The following HEPH variants were observed in gnomAD, a reference collection of about 807,000 sequenced individuals.
HEPH encodes the protein hephaestin.
A neutral mutation model predicts 80.8 loss-of-function variants in HEPH; 69 were observed. The observed-to-expected ratio is 0.85, with a 90% CI of 0.70 to 1.04. The LOEUF is 1.04. Among genes scored for constraint, HEPH ranks in the 50% least tolerant of loss-of-function variants. The pLI is 0.00. For missense variants in HEPH, 1,115 were observed against 891.3 expected (o/e 1.25, Z -3.20); for synonymous variants, 431 against 322.8 (o/e 1.34, Z -3.60).
At position 66,259,084 on chromosome X, in the gene HEPH, G is replaced by T. The variant is rs1602563492; in HGVS notation, c.3036+105G>T. On this transcript the variant is annotated intron_variant, in intron 18 of 20. Transcript: ENST00000343002. Reference sequence around the variant, plus strand: ...GTGGAACAGGTAACAATTAGTTAAAGAGCAGAGGTCTAGTACATGGAGCAC... The same window carrying T: ...GTGGAACAGGTAACAATTAGTTAAATAGCAGAGGTCTAGTACATGGAGCAC... The T allele has an allele frequency of 7.1e-6, 4 of 562,752 alleles. No individual in the cohort carries two copies. In the Admixed American group the frequency reaches 1.4e-4, roughly 20 times the overall value. The allele number at this position is 562,752 out of a possible 1,213,427, so 46.4% of individuals were successfully genotyped here. A position where few individuals can be genotyped will look rare whatever the true frequency, so the allele number is the denominator to read the frequency against.
At chrX:66,203,325 A>G (rs767691735) in intron 12 of HEPH, 39 bp from the exon 13 acceptor site, 1 of 1,141,704 alleles carries the variant, frequency 8.8e-7, no homozygotes, top group South Asian at 1.8e-5. Flanking sequence ...CTACCCAGGG[A>G]TGTTCTGAGT....
chrX:66,172,562 C>T lies in HEPH; in HGVS notation c.375C>T (p.Ile125=), dbSNP rs2086634700. 2 of 1,194,707 alleles carry T rather than the reference C, an allele frequency of 1.7e-6. No homozygotes were observed. The highest frequency in any genetic ancestry group is 1.8e-5 in the African/African-American group (1 of 56,883). Residue 125 remains isoleucine (I), a synonymous_variant, in exon 3 of 21, where the codon ATC becomes ATT. Coordinates refer to ENST00000343002, the MANE Select transcript of HEPH (RefSeq NM_001367233.3). The part of the protein sequence containing the change: ...LKNFATRPYT[I]HPHGVFYEKD... ...ATTTTGCCACTCGTCCCTATACCAT[C>T]CACCCTCATGGTGTCTTCTACGAGA...
chrX:66,186,542 G>T (rs1004539056), intron 4 of HEPH, among the ~76,000 whole-genome samples: 1 of 113,009 alleles, frequency 8.8e-6, no homozygotes, highest in Non-Finnish European at 1.9e-5. Flanking sequence ...GTGAGGCAAT[G>T]CCTTGCCCTG....
At chrX:66,182,122 G>A (rs1199545985) in intron 4 of HEPH, among the ~76,000 whole-genome samples, 12 of 94,270 alleles carry the variant, frequency 1.3e-4, no homozygotes, top group African/African-American at 4.3e-4. Flanking sequence ...ATCGTTTGAA[G>A]TCAGGTAGTG....
At position 66,207,320 on chromosome X, in the gene HEPH, A is replaced by C. The variant is rs771047731; in HGVS notation, c.2417A>C (p.His806Pro). The C allele has an allele frequency of 8.5e-7, 1 of 1,183,392 alleles. No homozygotes were observed. The highest frequency in any genetic ancestry group is 2.3e-5 in the Admixed American group (1 of 44,228). Residue 806 changes from histidine to proline, a missense_variant, in exon 14 of 21, where the codon CAC (histidine) becomes CCC (proline). By Grantham distance (77) the His-to-Pro change is moderately conservative (BLOSUM62 -2). Around this residue, in one of 3 missense-constraint regions of HEPH, gnomAD observed 716 missense variants for 523.5 expected, o/e 1.37. Transcript: ENST00000343002. The stretch of plus-strand genomic sequence containing the variant: ...CGGCCAAGGACTGGACCAGAAGAAC[A>C]CTTGGGAATCTTGGGTAAGGGAATT... ...IPRPRTGPEE[H>P]LGILGPLIKG...
chrX:66,242,700 C>T (rs751437041), intron 15 of HEPH, among the ~76,000 whole-genome samples: 6 of 111,697 alleles, frequency 5.4e-5, no homozygotes, highest in Non-Finnish European at 9.4e-5. Context: ...ACAAAAGACA[C>T]GAACAGATAC....
At chrX:66,220,252 A>G (rs1400062932) in intron 15 of HEPH, among the ~76,000 whole-genome samples, 2 of 111,479 alleles carry the variant, frequency 1.8e-5, no homozygotes, top group South Asian at 3.8e-4. Flanking sequence ...TAATTGCAAA[A>G]ACAAATTTCT....
At chrX:66,229,817 C>G (rs1312711316) in intron 15 of HEPH, among the ~76,000 whole-genome samples, 1 of 109,777 alleles carries the variant, frequency 9.1e-6, no homozygotes, top group Non-Finnish European at 1.9e-5. Context: ...GGTACATGTG[C>G]ACATTGTGCA....
chrX:66,225,887 G>A (rs1194053227), intron 15 of HEPH, among the ~76,000 whole-genome samples: 1 of 112,495 alleles, frequency 8.9e-6, no homozygotes, highest in Non-Finnish European at 1.9e-5. Flanking sequence ...CTGAGTTAAA[G>A]AAGGAAGGGT....
chrX:66,224,431 C>A (rs2089791988), intron 15 of HEPH, among the ~76,000 whole-genome samples: 1 of 111,258 alleles, frequency 9.0e-6, no homozygotes, highest in Admixed American at 9.5e-5. Context: ...AGATTTAGTT[C>A]CCCTGTTAGG....
chrX:66,229,190 A>G (rs946810288), intron 15 of HEPH, among the ~76,000 whole-genome samples: 2 of 112,603 alleles, frequency 1.8e-5, no homozygotes, highest in Non-Finnish European at 3.8e-5. Context: ...ATAGACATAG[A>G]CATAGATATA....
At chrX:66,235,645 C>T (rs1267008367) in intron 15 of HEPH, among the ~76,000 whole-genome samples, 7 of 111,773 alleles carry the variant, frequency 6.3e-5, no homozygotes, top group African/African-American at 2.3e-4. Flanking sequence ...TGTGATGCCT[C>T]CAGCTTTGCT....
intron 5 of HEPH, among the ~76,000 whole-genome samples, chrX:66,189,404 T>G (rs1159921103): frequency 8.9e-6 from 1 of 112,456 alleles, no homozygotes; most frequent in Non-Finnish European, 1.9e-5. Flanking sequence ...GTTTGGAATA[T>G]TGGCTGTAAG....
In HEPH at chrX:66,266,888, G is replaced by A. The variant is rs1191131034; in HGVS notation, c.*216G>A. 5.1e-6 allele frequency: 2 copies of A among 388,697 alleles called. No individual in the cohort carries two copies. Among genetic ancestry groups the A allele is most frequent in the Non-Finnish European group, 8.8e-6 (2 of 226,317 alleles). 32.0% of individuals were successfully genotyped at this position (388,697 alleles called of 1,213,427 possible). ...GTTTCTTTGCTCTACGTGGGCACCT[G>A]GCACTAAGGGAGTACCTTATTATCC... is the stretch of plus-strand genomic sequence containing the variant. On this transcript the variant is annotated 3_prime_UTR_variant, in exon 21 of 21. Transcript: ENST00000343002.
chrX:66,165,721 A>G (rs1244571204), intron 1 of HEPH, among the ~76,000 whole-genome samples: 1 of 111,747 alleles, frequency 8.9e-6, no homozygotes, highest in African/African-American at 3.2e-5. Context: ...AGGTTTCAGT[A>G]TATCTTAACT....
chrX:66,211,191 C>A (rs2089096779), intron 15 of HEPH, among the ~76,000 whole-genome samples: 2 of 111,020 alleles, frequency 1.8e-5, no homozygotes, highest in Non-Finnish European at 3.8e-5. Flanking sequence ...TTGGAACATA[C>A]TATTATTTAA....
At chrX:66,207,449 A>G (rs2088855237) in intron 14 of HEPH, 115 bp downstream of exon 14, 4 of 488,953 alleles carry the variant, frequency 8.2e-6, no homozygotes, top group Non-Finnish European at 1.2e-5. Flanking sequence ...CATATGATAT[A>G]CTGGAATTAT....
intron 7 of HEPH, 114 bp downstream of exon 7, chrX:66,192,412 G>A (rs2087848612): frequency 2.3e-6 from 2 of 854,939 alleles, no homozygotes; most frequent in South Asian, 2.8e-5. Flanking sequence ...TCATTGTCTG[G>A]CTGGGGTTAC....
intron 4 of HEPH, among the ~76,000 whole-genome samples, chrX:66,177,947 AT>A (rs34358638): frequency 7.5e-4 from 81 of 108,097 alleles, no homozygotes; most frequent in South Asian, 2.7e-3. Context: ...AGATTGAAGA[AT>A]TTTTTTTTTA....
Sources: allele counts gnomAD v4.1 joint callset (sites outside exome capture counted in the v4.1 genomes callset), GRCh38; gene constraint gnomAD v4.1.1; regional missense constraint gnomAD v4.1.1; transcripts MANE v1.5; gene names NCBI Gene and HGNC (gene_info 2026-07-23, HGNC 2026-07-21).